CERKL: variants seen among roughly 807,000 people sequenced by gnomAD.
CERKL encodes ceramide kinase-like protein.
A neutral mutation model predicts 63.4 loss-of-function variants in CERKL; 61 were observed. The observed-to-expected ratio is 0.96, with a 90% CI of 0.78 to 1.19. The LOEUF is 1.19. Ranked by LOEUF, CERKL falls within the 50% of genes most tolerant of loss-of-function variation. The pLI, the probability that CERKL is intolerant of heterozygous loss-of-function variation, is 0.00. For synonymous variants in CERKL, 250 were observed against 230.5 expected (o/e 1.08, Z -0.77); for missense variants, 675 against 655.5 (o/e 1.03, Z -0.33).
At chr2:181,587,531 T>C (rs1048187606) in intron 2 of CERKL, among the ~76,000 whole-genome samples, 1 of 152,166 alleles carries the variant, frequency 6.6e-6, no homozygotes, top group Non-Finnish European at 1.5e-5. Context: ...AGTAGACCTA[T>C]TTAACTATAT....
intron 1 of CERKL, among the ~76,000 whole-genome samples, chr2:181,605,034 G>A (rs138246070): frequency 6.6e-6 from 1 of 152,092 alleles, no homozygotes; most frequent in Admixed American, 6.5e-5. Flanking sequence ...TAAGAAACTA[G>A]TTTTACCTTT....
chr2:181,600,847 G>C (rs1250187353), intron 2 of CERKL, among the ~76,000 whole-genome samples: 1 of 151,728 alleles, frequency 6.6e-6, no homozygotes, highest in Non-Finnish European at 1.5e-5. Context: ...TCAGACTCTT[G>C]ACCAAATGGA....
At chr2:181,556,004 G>A (rs1371682281) in intron 5 of CERKL, among the ~76,000 whole-genome samples, 5 of 151,640 alleles carry the variant, frequency 3.3e-5, no homozygotes, top group African/African-American at 1.2e-4. Context: ...CCACTACCTC[G>A]GCCTCCCAAA....
intron 1 of CERKL, among the ~76,000 whole-genome samples, chr2:181,613,714 C>T (rs1686071384): frequency 6.6e-6 from 1 of 152,124 alleles, no homozygotes; most frequent in Non-Finnish European, 1.5e-5. Context: ...TGTTCTTCAG[C>T]ACTCCATTTT....
chr2:181,554,182 A>T (rs1346914538), intron 5 of CERKL, among the ~76,000 whole-genome samples: 1 of 151,832 alleles, frequency 6.6e-6, no homozygotes, highest in Non-Finnish European at 1.5e-5. Flanking sequence ...AAAAAAAAAA[A>T]AAAATGTCCT....
intron 1 of CERKL, among the ~76,000 whole-genome samples, chr2:181,629,153 T>C (rs1278093586): frequency 6.6e-6 from 1 of 152,214 alleles, no homozygotes; most frequent in Non-Finnish European, 1.5e-5. Flanking sequence ...TTATCTTTCC[T>C]ATGATTTTAT....
At chr2:181,571,077 A>C (rs1559083035) in intron 3 of CERKL, among the ~76,000 whole-genome samples, 1 of 152,208 alleles carries the variant, frequency 6.6e-6, no homozygotes, top group Non-Finnish European at 1.5e-5. Context: ...ATAATATACA[A>C]AGTTTCAAAT....
intron 2 of CERKL, among the ~76,000 whole-genome samples, chr2:181,581,349 C>T (rs1182538872): frequency 2.6e-5 from 4 of 152,170 alleles, no homozygotes; most frequent in Non-Finnish European, 1.5e-5. Context: ...AAAGACAACA[C>T]TTCTACCTCC....
At chr2:181,551,490 A>G (rs570904749) in intron 5 of CERKL, among the ~76,000 whole-genome samples, 12 of 152,298 alleles carry the variant, frequency 7.9e-5, no homozygotes, top group African/African-American at 2.9e-4. Context: ...TCCATCAAAA[A>G]GTGGGCAAAG....
At chr2:181,643,409 G>A (rs1466104638) in intron 1 of CERKL, among the ~76,000 whole-genome samples, 2 of 152,214 alleles carry the variant, frequency 1.3e-5, no homozygotes, top group African/African-American at 4.8e-5. Context: ...GATGGGAGCA[G>A]ATTATAGAGA....
chr2:181,543,863 A>C (rs555374271), intron 11 of CERKL, among the ~76,000 whole-genome samples: 2 of 152,058 alleles, frequency 1.3e-5, no homozygotes, highest in African/African-American at 2.4e-5. Context: ...GTGAGCCTGT[A>C]ATCCCACCTA....
In CERKL at chr2:181,566,429, G is replaced by A. The variant is rs180987141; in HGVS notation, c.614-308C>T. 1.9e-3 allele frequency among the ~76,000 whole-genome samples: 284 copies of A among 152,276 alleles called. 1 individual carries two copies. Among genetic ancestry groups the A allele is most frequent in the Middle Eastern group, 0.017 (5 of 294 alleles). On this transcript the variant is annotated intron_variant, in intron 3 of 12. Coordinates refer to ENST00000410087, the MANE Select transcript of CERKL (RefSeq NM_201548.5). The stretch of plus-strand genomic sequence containing the variant: ...TTAGTATTCCCTAAATAAGACACAT[G>A]TCCTTTAAATCAGAGGCTTAGGAGG...
chr2:181,586,373 C>T (rs1684768112), intron 2 of CERKL, among the ~76,000 whole-genome samples: 2 of 151,954 alleles, frequency 1.3e-5, no homozygotes, highest in African/African-American at 2.4e-5. Flanking sequence ...CCTTGCTCTG[C>T]TCTCATCCAA....
Position 181,547,622 on chromosome 2 carries a change from T to G in CERKL, c.1264A>C (p.Thr422Pro), listed in dbSNP as rs889333607. 6.2e-7 allele frequency: 1 copy of G among 1,612,970 alleles called. No homozygotes were observed. The highest frequency in any genetic ancestry group is 1.3e-5 in the African/African-American group (1 of 74,998). ...SVAPRGLAPN[T>P]RLNNGSMALI... ...TCAATAAAAATGCTTACTAACCTGGTATTAGGTGCCAAGCCTCTAGGTGCC... is the reference window on the plus strand; with the variant it reads ...TCAATAAAAATGCTTACTAACCTGGGATTAGGTGCCAAGCCTCTAGGTGCC... The change falls in exon 10 of 13, where the codon ACC becomes CCC. Residue 422 changes from threonine to proline, a missense_variant. By Grantham distance (38) the Thr-to-Pro change is conservative (BLOSUM62 -1). Transcript: ENST00000410087.
chr2:181,639,442 TA>T (rs1235018672), intron 1 of CERKL, among the ~76,000 whole-genome samples: 2 of 152,158 alleles, frequency 1.3e-5, no homozygotes, highest in African/African-American at 4.8e-5. Flanking sequence ...AAATTAGATT[TA>T]AAAAAACTTG....
chr2:181,562,968 AAAGT>A (rs1437960218), intron 4 of CERKL, among the ~76,000 whole-genome samples: 7 of 152,202 alleles, frequency 4.6e-5, no homozygotes, highest in Non-Finnish European at 8.8e-5. Context: ...GAACAAAAGA[AAAGT>A]AACTCAACAA....
Position 181,547,906 on chromosome 2 carries a change from G to GACACAC in CERKL, c.1134-65_1134-60dup, listed in dbSNP as rs139036113. Reference sequence around the variant, plus strand: ...CAGATAACGCGCGCACAGACACACAGACACACACAAATCTATTAAATATGA... The same window carrying GACACAC: ...CAGATAACGCGCGCACAGACACACAGACACACACACACACAAATCTATTAAATATGA... On this transcript the variant is annotated intron_variant, in intron 8 of 12. Transcript: ENST00000410087. 1.4e-4 allele frequency: 187 copies of GACACAC among 1,291,904 alleles called. 1 individual carries two copies. The highest frequency in any genetic ancestry group is 7.5e-4 in the South Asian group (58 of 77,458). The allele number at this position is 1,291,904 out of a possible 1,614,324, so 80.0% of individuals were successfully genotyped here.
intron 2 of CERKL, among the ~76,000 whole-genome samples, chr2:181,586,018 A>G (rs1054041078): frequency 6.6e-6 from 1 of 152,184 alleles, no homozygotes; most frequent in Admixed American, 6.5e-5. Flanking sequence ...ACCAGTAAGG[A>G]AAGATGAAGC....
chr2:181,608,562 C>T (rs1024635595), intron 1 of CERKL, among the ~76,000 whole-genome samples: 8 of 152,152 alleles, frequency 5.3e-5, no homozygotes, highest in African/African-American at 1.9e-4. Flanking sequence ...TACTTAACAA[C>T]TCAATGACTA....
Sources: allele counts gnomAD v4.1 joint callset (sites outside exome capture counted in the v4.1 genomes callset), GRCh38; gene constraint gnomAD v4.1.1; transcripts MANE v1.5; gene names NCBI Gene and HGNC (gene_info 2026-07-23, HGNC 2026-07-21).